The following AP1G1 variants were observed in gnomAD, a reference collection of about 807,000 sequenced individuals.
AP1G1 encodes the protein adaptor related protein complex 1 subunit gamma 1.
Under a neutral mutation model 108.3 loss-of-function variants are expected in AP1G1, and 7 were observed. The ratio of observed to expected loss-of-function variants is 0.06; its 90% CI spans 0.04 to 0.12. The LOEUF (loss-of-function observed/expected upper bound fraction) is 0.12, where lower values mean the gene tolerates loss of function less well. Ranked by LOEUF, AP1G1 falls within the 10% of genes least tolerant of loss-of-function variation. The pLI is 1.00. For synonymous variants in AP1G1, 379 were observed against 353.5 expected, an observed-to-expected ratio of 1.07 and a Z score of -0.81; for missense variants, 756 against 1,010.7, an observed-to-expected ratio of 0.75 and a Z score of 3.42.
chr16:71,771,590 T>C (rs565697769), intron 4 of AP1G1, among the ~76,000 whole-genome samples: 2 of 152,212 alleles, frequency 1.3e-5, no homozygotes, highest in Non-Finnish European at 2.9e-5. Context: ...TATACTATTA[T>C]ATTAAAGAGA....
At chr16:71,808,287 G>C (rs1194445826) in intron 1 of AP1G1, 1 of 883,120 alleles carries the variant, frequency 1.1e-6, no homozygotes, top group Non-Finnish European at 1.5e-6. Flanking sequence ...CCGGTTCCGA[G>C]AGGACGGCAC....
chr16:71,735,107 C>T (rs1373854556), intron 21 of AP1G1, among the ~76,000 whole-genome samples: 1 of 152,104 alleles, frequency 6.6e-6, no homozygotes, highest in African/African-American at 2.4e-5. Flanking sequence ...AGAAAAGCTT[C>T]CCAAAAATAG....
At chr16:71,808,271 C>T (rs1276210507) in intron 1 of AP1G1, 18 of 948,620 alleles carry the variant, frequency 1.9e-5, no homozygotes, top group Non-Finnish European at 2.4e-5. Flanking sequence ...GAGGCGAGGC[C>T]GATGTCCGGT....
intron 18 of AP1G1, 62 bp downstream of exon 18, chr16:71,745,411 C>G (rs2030121034): frequency 6.2e-7 from 1 of 1,611,304 alleles, no homozygotes. Flanking sequence ...AGCTAAGAGA[C>G]AAGCTGTAAG....
chr16:71,761,262 A>G (rs1815866083), intron 10 of AP1G1, among the ~76,000 whole-genome samples: 1 of 152,210 alleles, frequency 6.6e-6, no homozygotes, highest in South Asian at 2.1e-4. Context: ...AAAGCCTAAA[A>G]TATTTACCAT....
chr16:71,794,835 CTTTTTTTTTTTTT>C lies in AP1G1; in HGVS notation c.-3-5366_-3-5354del, dbSNP rs55761928. On this transcript the variant is annotated intron_variant, in intron 1 of 22. Transcript: ENST00000299980. The stretch of plus-strand genomic sequence containing the variant: ...TACCATTCTCAGGCCATGAGAAGTG[CTTTTTTTTTTTTT>C]TTTTTTTTTTTTTTTTACTTTGAAA... 3.9e-3 allele frequency among the ~76,000 whole-genome samples: 154 copies of C among 39,664 alleles called. 4 individuals carry two copies. Among genetic ancestry groups the C allele is most frequent in the African/African-American group, 6.2e-3 (59 of 9,550 alleles). 26.0% of individuals were successfully genotyped at this position (39,664 alleles called of 152,430 possible).
chr16:71,758,580 A>C (rs2030924760), intron 11 of AP1G1: 2 of 603,214 alleles, frequency 3.3e-6, no homozygotes, highest in African/African-American at 1.8e-5. Flanking sequence ...GTGTGCACTT[A>C]AGTATTCTTA....
chr16:71,739,028 G>A lies in AP1G1; in HGVS notation c.2182C>T (p.Pro728Ser). 6.2e-7 allele frequency: 1 copy of A among 1,614,042 alleles called. No individual in the cohort carries two copies. ...TGTATCGTTATCACTGTTACACTGG[G>A]GTTGGTATTTGACCGTTCAAAGGTG... ...EFTFERSNTN[P>S]SVTVITIQAS... The change falls in exon 21 of 23, where the codon CCC (proline) becomes TCC (serine). Residue 728 changes from proline to serine, a missense_variant. Transcript: ENST00000299980.
chr16:71,746,179 T>A (rs1441458685), intron 17 of AP1G1, among the ~76,000 whole-genome samples: 1 of 152,128 alleles, frequency 6.6e-6, no homozygotes, highest in Non-Finnish European at 1.5e-5. Flanking sequence ...CCAACTAATT[T>A]TTTTGTATTT....
chr16:71,752,407 A>G (rs569264504), intron 13 of AP1G1, among the ~76,000 whole-genome samples: 2 of 152,326 alleles, frequency 1.3e-5, no homozygotes, highest in Admixed American at 1.3e-4. Flanking sequence ...AGTATGCCCC[A>G]GAGAGAATTC....
intron 1 of AP1G1, chr16:71,808,178 C>A (rs1184144449): frequency 3.5e-5 from 39 of 1,104,444 alleles, no homozygotes; most frequent in Non-Finnish European, 2.9e-5. Flanking sequence ...AGTATACTCG[C>A]AGGTAGGTTG....
intron 10 of AP1G1, among the ~76,000 whole-genome samples, chr16:71,760,909 G>C (rs953732208): frequency 6.6e-6 from 1 of 152,008 alleles, no homozygotes; most frequent in Non-Finnish European, 1.5e-5. Context: ...AGGTAAGCAG[G>C]AATACGTACT....
chr16:71,804,742 C>T (rs1400230090), intron 1 of AP1G1, among the ~76,000 whole-genome samples: 1 of 152,156 alleles, frequency 6.6e-6, no homozygotes, highest in East Asian at 1.9e-4. Flanking sequence ...GTGGGCAAGG[C>T]ATGGTGGCAC....
chr16:71,773,328 A>T lies in AP1G1; in HGVS notation c.361T>A (p.Leu121Ile). 1 of 1,568,400 alleles carries T rather than the reference A, an allele frequency of 6.4e-7. No individual in the cohort carries two copies. Among genetic ancestry groups the T allele is most frequent in the Non-Finnish European group, 8.6e-7 (1 of 1,165,090 alleles). Residue 121 changes from leucine to isoleucine, a missense_variant, in exon 4 of 23, where the codon TTA (leucine) becomes ATA (isoleucine). By Grantham distance (5) the Leu-to-Ile change is conservative. Around this residue, in one of 3 missense-constraint regions of AP1G1, gnomAD observed 304 missense variants for 483.6 expected, o/e 0.63. Transcript: ENST00000299980. ...ATGCAGCCGAGGGTACAAAGTGCTA[A>T]CCCCTGTACGAATTGCGTGCTATGA... ...LNHSTQFVQG[L>I]ALCTLGCMGS...
intron 17 of AP1G1, among the ~76,000 whole-genome samples, chr16:71,745,971 A>C (rs1007104965): frequency 9.8e-5 from 15 of 152,324 alleles, no homozygotes; most frequent in African/African-American, 3.6e-4. Context: ...TAACAGTAAA[A>C]GAATTTGAAT....
chr16:71,733,694 T>C lies in AP1G1; in HGVS notation c.2368-535A>G, dbSNP rs1044150393. Among the ~76,000 whole-genome samples the C allele has an allele frequency of 3.3e-5, 5 of 152,070 alleles. No individual in the cohort carries two copies. The East Asian group carries it at 9.6e-4, about 29-fold the overall frequency. Reference sequence around the variant, plus strand: ...CTAGTAACATTTTGCTGAGTCCTTTTCAAAAAGATTCAAACCTTGTATCCA... The same window carrying C: ...CTAGTAACATTTTGCTGAGTCCTTTCCAAAAAGATTCAAACCTTGTATCCA... On this transcript the variant is annotated intron_variant, in intron 22 of 22. Transcript: ENST00000299980.
At chr16:71,764,603 G>A (rs758999844) in intron 8 of AP1G1, 43 bp downstream of exon 8, 24 of 1,449,384 alleles carry the variant, frequency 1.7e-5, no homozygotes, top group African/African-American at 7.3e-5. Flanking sequence ...TACTCCCAGC[G>A]AAACTAAAAT....
intron 10 of AP1G1, among the ~76,000 whole-genome samples, chr16:71,759,829 T>A (rs1475844491): frequency 1.3e-5 from 2 of 151,900 alleles, no homozygotes; most frequent in African/African-American, 4.8e-5. Context: ...ACTGACTCAA[T>A]TCTTTAAAAG....
intron 3 of AP1G1, among the ~76,000 whole-genome samples, chr16:71,773,943 T>C (rs1285178325): frequency 2.6e-5 from 4 of 151,512 alleles, no homozygotes; most frequent in Non-Finnish European, 5.9e-5. Context: ...TTGTATTTTG[T>C]ATTTTTAGTA....
Sources: allele counts gnomAD v4.1 joint callset (sites outside exome capture counted in the v4.1 genomes callset), GRCh38; gene constraint gnomAD v4.1.1; regional missense constraint gnomAD v4.1.1; transcripts MANE v1.5; gene names NCBI Gene and HGNC (gene_info 2026-07-23, HGNC 2026-07-21).